Variants in CNDP1 observed in about 807,000 individuals in gnomAD.
CNDP1 encodes the protein beta-Ala-His dipeptidase.
CNDP1 carries 44 observed loss-of-function variants against 58.1 expected under a neutral mutation model. The observed-to-expected ratio is 0.76, with a 90% CI of 0.60 to 0.97. The LOEUF is 0.97. CNDP1 is among the 50% of genes least tolerant of loss of function. The probability of loss-of-function intolerance (pLI) is 0.00; values close to 1 mark genes in which losing one functional copy is unlikely to be tolerated. For synonymous variants in CNDP1, 254 were observed against 252.6 expected, an observed-to-expected ratio of 1.01 and a Z score of -0.05; for missense variants, 616 against 655.1, an observed-to-expected ratio of 0.94 and a Z score of 0.65.
chr18:74,575,831 A>ATGTGTGTGTGTG (rs386388202), intron 7 of CNDP1, among the ~76,000 whole-genome samples: 1 of 94,236 alleles, frequency 1.1e-5, no homozygotes, highest in Non-Finnish European at 2.2e-5. Flanking sequence ...GTGTGTATAC[A>ATGTGTGTGTGTG]TGTGTGTGTG....
intron 5 of CNDP1, among the ~76,000 whole-genome samples, chr18:74,566,761 C>G (rs1981337649): frequency 6.6e-6 from 1 of 152,220 alleles, no homozygotes; most frequent in Admixed American, 6.5e-5. Context: ...TCAGACTGTT[C>G]CAGTCTCTGC....
At chr18:74,572,143 C>T (rs111784434) in intron 7 of CNDP1, among the ~76,000 whole-genome samples, 250 of 152,048 alleles carry the variant, frequency 1.6e-3, no homozygotes, top group Non-Finnish European at 3.3e-3. Context: ...ACAGCGACGC[C>T]GACGAGTTCC....
At chr18:74,571,534 G>A (rs866203837) in intron 7 of CNDP1, among the ~76,000 whole-genome samples, 1 of 152,086 alleles carries the variant, frequency 6.6e-6, no homozygotes, top group Non-Finnish European at 1.5e-5. Context: ...AGGACAAGAG[G>A]GCAGAGACTC....
intron 2 of CNDP1, 23 bp downstream of exon 2, chr18:74,556,489 C>T (rs763825657): frequency 7.4e-6 from 12 of 1,612,790 alleles, no homozygotes; most frequent in Middle Eastern, 1.6e-4. Flanking sequence ...AACTACACAA[C>T]TACACACAGA....
At chr18:74,575,151 G>C (rs1284400198) in intron 7 of CNDP1, among the ~76,000 whole-genome samples, 2 of 152,038 alleles carry the variant, frequency 1.3e-5, no homozygotes, top group Admixed American at 1.3e-4. Flanking sequence ...AAGAAAGAAA[G>C]AGAAGGAAGG....
chr18:74,559,358 T>C lies in CNDP1; in HGVS notation c.189T>C (p.Ser63=). The part of the protein sequence containing the change: ...LKEWVAIESD[S]VQPVPRFRQE... ...AGTGGGTGGCCATCGAGAGCGACTC[T>C]GTCCAGCCTGTGCCTCGCTTCAGAC... The change falls in exon 3 of 12, where the codon TCT becomes TCC. Residue 63 remains serine, a synonymous_variant. Transcript: ENST00000358821. The C allele has an allele frequency of 1.9e-6, 3 of 1,614,094 alleles. No individual in the cohort carries two copies. The highest frequency in any genetic ancestry group is 1.7e-6 in the Non-Finnish European group (2 of 1,180,024).
intron 9 of CNDP1, among the ~76,000 whole-genome samples, chr18:74,579,188 T>TTCCCTTGCCTTC (rs1568300947): frequency 1.1e-4 from 13 of 118,522 alleles, no homozygotes; most frequent in Non-Finnish European, 1.8e-4. Context: ...CTTCTCCCTT[T>TTCCCTTGCCTTC]CCTTCCCTTC....
intron 10 of CNDP1, among the ~76,000 whole-genome samples, chr18:74,581,100 G>A (rs1052831502): frequency 2.6e-5 from 4 of 152,134 alleles, no homozygotes; most frequent in African/African-American, 4.8e-5. Context: ...GCAGGGATCT[G>A]CTCTTCCTGG....
At chr18:74,572,824 GAAA>G (rs1981518586) in intron 7 of CNDP1, among the ~76,000 whole-genome samples, 1 of 118,798 alleles carries the variant, frequency 8.4e-6, no homozygotes, top group Non-Finnish European at 1.7e-5. Context: ...AAGAAAGAAA[GAAA>G]GAAAAATAAT....
At position 74,586,019 on chromosome 18, in the gene CNDP1, A is replaced by AG. The variant is rs1981905254; in HGVS notation, c.*1458dup. The AG allele has an allele frequency of 7.5e-6, 1 of 133,500 alleles. No individual in the cohort carries two copies. Among genetic ancestry groups the AG allele is most frequent in the African/African-American group, 2.8e-5 (1 of 36,350 alleles). 8.3% of individuals were successfully genotyped at this position (133,500 alleles called of 1,614,324 possible). On this transcript the variant is annotated 3_prime_UTR_variant, in exon 12 of 12. Transcript: ENST00000358821. Reference sequence around the variant, plus strand: ...CAAAAAAAAAAAAAAAAAAAAAAAAAGCAGAACACATTTGCGTTCAACTTT... The same window carrying AG: ...CAAAAAAAAAAAAAAAAAAAAAAAAAGGCAGAACACATTTGCGTTCAACTTT...
chr18:74,557,174 T>A (rs1981065070), intron 2 of CNDP1, among the ~76,000 whole-genome samples: 1 of 151,920 alleles, frequency 6.6e-6, no homozygotes, highest in Non-Finnish European at 1.5e-5. Flanking sequence ...TGCCTCGGCC[T>A]CCCAAAGTGC....
At chr18:74,542,252 C>A (rs1011456594) in intron 1 of CNDP1, among the ~76,000 whole-genome samples, 2 of 152,216 alleles carry the variant, frequency 1.3e-5, no homozygotes, top group Non-Finnish European at 2.9e-5. Context: ...CTCCTGGTGT[C>A]AAGGCCTAAT....
intron 7 of CNDP1, among the ~76,000 whole-genome samples, chr18:74,572,686 G>C (rs909823205): frequency 6.6e-6 from 1 of 151,632 alleles, no homozygotes; most frequent in Non-Finnish European, 1.5e-5. Context: ...TATTTAAGGG[G>C]CTGAGGCAGG....
At chr18:74,570,130 C>T (rs1057189632) in intron 6 of CNDP1, among the ~76,000 whole-genome samples, 6 of 148,652 alleles carry the variant, frequency 4.0e-5, no homozygotes, top group African/African-American at 1.2e-4. Context: ...AGCTGGGAGG[C>T]GGAGATTGCA....
intron 9 of CNDP1, among the ~76,000 whole-genome samples, chr18:74,578,680 C>T (rs1285524795): frequency 2.0e-5 from 3 of 152,150 alleles, no homozygotes; most frequent in Non-Finnish European, 4.4e-5. Context: ...TATGCAATTA[C>T]AGCAGTCAGA....
intron 9 of CNDP1, 21 bp downstream of exon 9, chr18:74,578,348 C>G: frequency 1.3e-6 from 2 of 1,586,354 alleles, no homozygotes; most frequent in Non-Finnish European, 1.7e-6. Flanking sequence ...CTTATTGTGA[C>G]AATAACATGT....
chr18:74,555,611 C>A (rs1424240850), intron 1 of CNDP1, among the ~76,000 whole-genome samples: 1 of 152,132 alleles, frequency 6.6e-6, no homozygotes, highest in African/African-American at 2.4e-5. Context: ...CCCAAGGACA[C>A]CCAGGTGGAG....
chr18:74,569,046 G>A (rs1440850294), intron 6 of CNDP1, among the ~76,000 whole-genome samples: 1 of 152,082 alleles, frequency 6.6e-6, no homozygotes, highest in Admixed American at 6.5e-5. Flanking sequence ...ATCTTGGAAG[G>A]GTCAAGGGAC....
chr18:74,559,489 T>C lies in CNDP1; in HGVS notation c.303+17T>C. 6.3e-7 allele frequency: 1 copy of C among 1,592,502 alleles called. No individual in the cohort carries two copies. Among genetic ancestry groups the C allele is most frequent in the Non-Finnish European group, 8.5e-7 (1 of 1,174,198 alleles). On this transcript the variant is annotated intron_variant, in intron 3 of 11. Transcript: ENST00000358821. ...CCTCAGCAGGTGCTGTACGATTCCC[T>C]CCCACTGAGGGAGGTGCTACTTCTA...
Sources: allele counts gnomAD v4.1 joint callset (sites outside exome capture counted in the v4.1 genomes callset), GRCh38; gene constraint gnomAD v4.1.1; transcripts MANE v1.5; gene names NCBI Gene and HGNC (gene_info 2026-07-23, HGNC 2026-07-21).